AP3B1: variants seen among roughly 807,000 people sequenced by gnomAD.
AP3B1 encodes AP-3 complex subunit beta-1.
A neutral mutation model predicts 132.5 loss-of-function variants in AP3B1; 61 were observed. That is an observed-to-expected ratio of 0.46 (90% confidence interval 0.37 to 0.57). The LOEUF (loss-of-function observed/expected upper bound fraction) is 0.57, where lower values mean the gene tolerates loss of function less well. Ranked by LOEUF, AP3B1 falls within the 20% of genes least tolerant of loss-of-function variation. AP3B1 has a pLI of 0.00. For synonymous variants in AP3B1, 388 were observed against 438.3 expected (o/e 0.89, Z 1.43); for missense variants, 1,120 against 1,289.4 (o/e 0.87, Z 2.01).
intron 15 of AP3B1, among the ~76,000 whole-genome samples, chr5:78,134,384 T>A (rs565618856): frequency 6.6e-6 from 1 of 152,266 alleles, no homozygotes; most frequent in Non-Finnish European, 1.5e-5. Flanking sequence ...GCATTCGGCA[T>A]AGTAAAGATT....
intron 7 of AP3B1, among the ~76,000 whole-genome samples, chr5:78,193,770 A>ATATATTTTTTTTT: frequency 0.016 from 1,078 of 66,876 alleles, 14 homozygotes; most frequent in Non-Finnish European, 0.027. Context: ...ATATATATAT[A>ATATATTTTTTTTT]TTTTTTTTTT....
At chr5:78,228,283 A>T in intron 3 of AP3B1, 44 bp from the exon 4 acceptor site, 1 of 1,432,446 alleles carries the variant, frequency 7.0e-7, no homozygotes, top group Non-Finnish European at 9.7e-7. Flanking sequence ...GTGAAAATTT[A>T]AAACTCAGTA....
At chr5:78,073,850 G>C (rs913317469) in intron 22 of AP3B1, among the ~76,000 whole-genome samples, 1 of 152,182 alleles carries the variant, frequency 6.6e-6, no homozygotes, top group African/African-American at 2.4e-5. Context: ...CACAAAGGAG[G>C]AGGAAGGGAA....
intron 21 of AP3B1, among the ~76,000 whole-genome samples, chr5:78,096,745 G>A (rs1230009475): frequency 3.3e-5 from 5 of 150,126 alleles, no homozygotes; most frequent in Admixed American, 2.6e-4. Flanking sequence ...CAACTGCCCC[G>A]TCTGAGAAGT....
intron 22 of AP3B1, among the ~76,000 whole-genome samples, chr5:78,084,600 CAAAT>C (rs1433955125): frequency 1.6e-5 from 2 of 126,426 alleles, no homozygotes; most frequent in East Asian, 2.6e-4. Context: ...AAGACCCAAA[CAAAT>C]AAAAAGGAAT....
At chr5:78,153,962 C>A (rs959143997) in intron 14 of AP3B1, among the ~76,000 whole-genome samples, 2 of 152,120 alleles carry the variant, frequency 1.3e-5, no homozygotes, top group Non-Finnish European at 2.9e-5. Flanking sequence ...TCTTTCTATT[C>A]AAGACATGAG....
chr5:78,120,561 G>C (rs1476395332), intron 17 of AP3B1, among the ~76,000 whole-genome samples: 10 of 151,946 alleles, frequency 6.6e-5, no homozygotes, highest in Non-Finnish European at 1.5e-5. Flanking sequence ...AGATAAAACA[G>C]ACTTTAAACC....
intron 2 of AP3B1, among the ~76,000 whole-genome samples, chr5:78,250,203 G>A (rs114939148): frequency 6.6e-6 from 1 of 152,090 alleles, no homozygotes; most frequent in Non-Finnish European, 1.5e-5. Flanking sequence ...AATCTTCAGG[G>A]AAGTACCCTG....
intron 26 of AP3B1, among the ~76,000 whole-genome samples, chr5:78,007,858 ATTTAGT>A (rs1386289370): frequency 6.6e-6 from 1 of 152,220 alleles, no homozygotes; most frequent in Non-Finnish European, 1.5e-5. Context: ...TTTACACGTG[ATTTAGT>A]TTTAGAGAAT....
At chr5:78,156,223 T>A in intron 14 of AP3B1, 35 bp downstream of exon 14, 1 of 1,473,698 alleles carries the variant, frequency 6.8e-7, no homozygotes, top group Non-Finnish European at 9.5e-7. Flanking sequence ...ACTTACTGAA[T>A]AAAATTCAGC....
At chr5:78,069,070 A>G (rs1211339061) in intron 22 of AP3B1, among the ~76,000 whole-genome samples, 1 of 152,244 alleles carries the variant, frequency 6.6e-6, no homozygotes, top group African/African-American at 2.4e-5. Context: ...TTCCTGTTAA[A>G]AACTCTCAAT....
chr5:78,223,184 T>C (rs1308086213), intron 6 of AP3B1, among the ~76,000 whole-genome samples: 1 of 152,046 alleles, frequency 6.6e-6, no homozygotes, highest in Non-Finnish European at 1.5e-5. Flanking sequence ...TAATGTTGAA[T>C]AGGCAGTTTC....
At chr5:78,121,524 T>G (rs189725593) in intron 17 of AP3B1, among the ~76,000 whole-genome samples, 4 of 152,078 alleles carry the variant, frequency 2.6e-5, no homozygotes. Context: ...TCACCACTGA[T>G]CCCACAGAAA....
At chr5:78,057,353 C>T (rs958188691) in intron 22 of AP3B1, among the ~76,000 whole-genome samples, 3 of 152,014 alleles carry the variant, frequency 2.0e-5, no homozygotes, top group African/African-American at 7.2e-5. Flanking sequence ...CACTTAGTTC[C>T]CAGGGAGGGG....
At chr5:78,028,330 C>T (rs888883027) in intron 24 of AP3B1, among the ~76,000 whole-genome samples, 22 of 151,092 alleles carry the variant, frequency 1.5e-4, no homozygotes, top group Non-Finnish European at 2.8e-4. Context: ...CATGGTGGTG[C>T]GTGCCTGTAG....
intron 11 of AP3B1, 76 bp downstream of exon 11, chr5:78,175,550 C>G (rs1744112069): frequency 8.8e-7 from 1 of 1,130,372 alleles, no homozygotes. Flanking sequence ...CTGCATCCCA[C>G]AGGTGCTAAA....
intron 19 of AP3B1, among the ~76,000 whole-genome samples, chr5:78,112,676 C>T (rs1327648227): frequency 6.6e-6 from 1 of 152,172 alleles, no homozygotes; most frequent in Non-Finnish European, 1.5e-5. Context: ...AGCTCCTTTG[C>T]TGCAACAAGT....
At chr5:78,218,223 A>T (rs1471401799) in intron 6 of AP3B1, among the ~76,000 whole-genome samples, 5 of 152,136 alleles carry the variant, frequency 3.3e-5, no homozygotes, top group Non-Finnish European at 7.4e-5. Flanking sequence ...TTAAATGTTC[A>T]ATATTCTATA....
chr5:78,219,669 T>C (rs1175040180), intron 6 of AP3B1, among the ~76,000 whole-genome samples: 5 of 152,046 alleles, frequency 3.3e-5, no homozygotes, highest in African/African-American at 2.4e-5. Flanking sequence ...TACTGGTCTT[T>C]AGTAAAAGAG....
Sources: gnomAD v4.1 joint callset for allele counts (sites outside exome capture counted in the v4.1 genomes callset) on GRCh38, gnomAD v4.1.1 for gene constraint, MANE v1.5 for transcripts, NCBI Gene and HGNC (gene_info 2026-07-23, HGNC 2026-07-21) for gene names.